Variants in TDRD12 observed in about 807,000 individuals in gnomAD.
The protein encoded by TDRD12 is tudor domain containing 12.
Under a neutral mutation model 133.5 loss-of-function variants are expected in TDRD12, and 158 were observed. The observed-to-expected ratio is 1.18, with a 90% confidence interval of 1.04 to 1.35. The LOEUF is 1.35. Among genes scored for constraint, TDRD12 ranks in the 40% most tolerant of loss-of-function variants. The pLI is 0.00. For missense variants in TDRD12, 1,443 were observed against 1,321.3 expected (o/e 1.09, Z -1.43); for synonymous variants, 460 against 477.9 (o/e 0.96, Z 0.49).
intron 16 of TDRD12, 67 bp from the exon 17 acceptor site, chr19:32,800,100 T>C (rs562458188): frequency 3.8e-4 from 349 of 927,086 alleles, no homozygotes; most frequent in Non-Finnish European, 5.1e-4. Flanking sequence ...CCTTACATTT[T>C]ATGTTCTGCC....
At chr19:32,823,475 GTTC>G (rs1300205930), downstream of TDRD12, among the ~76,000 whole-genome samples, 26 of 152,278 alleles carry the variant, frequency 1.7e-4, no homozygotes, top group Admixed American at 3.9e-4. Flanking sequence ...CCAAACCCAG[GTTC>G]TTCATCACAG....
chr19:32,761,184 C>G (rs971328613), intron 8 of TDRD12, among the ~76,000 whole-genome samples: 5 of 152,162 alleles, frequency 3.3e-5, no homozygotes, highest in Non-Finnish European at 7.3e-5. Context: ...TGGCACATCT[C>G]AGCTCACTGC....
chr19:32,758,561 G>C (rs56977773), intron 8 of TDRD12, among the ~76,000 whole-genome samples: 7,891 of 152,086 alleles, frequency 0.052, 353 homozygotes, highest in East Asian at 0.24. Flanking sequence ...ACCCCATCTC[G>C]CTAGGCATTT....
At chr19:32,723,431 A>T (rs979188976) in intron 1 of TDRD12, among the ~76,000 whole-genome samples, 1 of 151,662 alleles carries the variant, frequency 6.6e-6, no homozygotes, top group Non-Finnish European at 1.5e-5. Context: ...TTTTATTTTT[A>T]GTAGAGACAG....
intron 24 of TDRD12, among the ~76,000 whole-genome samples, chr19:32,812,133 C>T (rs1197135465): frequency 1.3e-5 from 2 of 152,310 alleles, no homozygotes; most frequent in South Asian, 4.1e-4. Context: ...CAGGCACAGG[C>T]ACAGAAGAGG....
chr19:32,807,393 G>T, intron 21 of TDRD12, 156 bp from the exon 22 acceptor site: 7 of 306,276 alleles, frequency 2.3e-5, no homozygotes, highest in Non-Finnish European at 3.5e-5. Flanking sequence ...TATTATTAAT[G>T]TCATCTGAAA....
chr19:32,794,038 C>T lies in TDRD12; in HGVS notation c.1288-590C>T, dbSNP rs965415771. On this transcript the variant is annotated intron_variant, in intron 13 of 27. Coordinates refer to ENST00000444215, the Ensembl canonical transcript of TDRD12. Reference sequence around the variant, plus strand: ...TGAACTCCCGACCTCAGGTGATCTGCTCGCCTTGACCTCCTAAAGTGCAGG... The same window carrying T: ...TGAACTCCCGACCTCAGGTGATCTGTTCGCCTTGACCTCCTAAAGTGCAGG... Among the ~76,000 whole-genome samples, 4 of 146,630 alleles carry T rather than the reference C, an allele frequency of 2.7e-5. No individual in the cohort carries two copies. In the East Asian group the frequency reaches 8.2e-4, roughly 30 times the overall value.
chr19:32,732,058 C>CA (rs1324491916), intron 2 of TDRD12, among the ~76,000 whole-genome samples, 175 bp downstream of exon 2: 44 of 152,184 alleles, frequency 2.9e-4, no homozygotes, highest in African/African-American at 1.0e-3. Context: ...GGCTGGAGTA[C>CA]AGTGGCACCA....
chr19:32,725,811 G>T (rs993555260), intron 1 of TDRD12, among the ~76,000 whole-genome samples: 5 of 151,958 alleles, frequency 3.3e-5, no homozygotes, highest in African/African-American at 1.2e-4. Context: ...TGGACAGTAC[G>T]GCCATTTTCA....
chr19:32,753,520 T>C (rs1969898118), intron 6 of TDRD12, among the ~76,000 whole-genome samples: 3 of 151,850 alleles, frequency 2.0e-5, no homozygotes, highest in Admixed American at 1.3e-4. Context: ...CTTTTTTTTT[T>C]CCTGAAACGG....
chr19:32,812,787 G>A (rs922431576), intron 24 of TDRD12, among the ~76,000 whole-genome samples: 2 of 152,186 alleles, frequency 1.3e-5, no homozygotes, highest in South Asian at 4.1e-4. Flanking sequence ...GGATGGAAAC[G>A]GGCAGGTCCC....
At position 32,815,722 on chromosome 19, in the gene TDRD12, G is replaced by A. The variant is rs534517574; in HGVS notation, c.3314+102G>A. On this transcript the variant is annotated intron_variant, in intron 26 of 27. Coordinates refer to ENST00000444215, the Ensembl canonical transcript of TDRD12. Reference sequence around the variant, plus strand: ...ATGAAAGTAGAAGAGTTGGCTGGGTGCGGTGGCTCACACCTGTAATCCCAG... The same window carrying A: ...ATGAAAGTAGAAGAGTTGGCTGGGTACGGTGGCTCACACCTGTAATCCCAG... 3.6e-5 allele frequency: 43 copies of A among 1,187,506 alleles called. 1 individual carries two copies. The highest frequency in any genetic ancestry group is 2.0e-4 in the Middle Eastern group (1 of 5,030). The allele number at this position is 1,187,506 out of a possible 1,614,324, so 73.6% of individuals were successfully genotyped here. A position where few individuals can be genotyped will look rare whatever the true frequency, so the allele number is the denominator to read the frequency against.
intron 11 of TDRD12, among the ~76,000 whole-genome samples, chr19:32,782,463 A>T (rs1000463553): frequency 1.4e-4 from 22 of 152,134 alleles, no homozygotes; most frequent in Non-Finnish European, 3.1e-4. Context: ...ATGATTTATA[A>T]TCCTTTGGGT....
Position 32,777,233 on chromosome 19 carries a change from A to G in TDRD12, c.1121+4A>G. On this transcript the variant is annotated splice_donor_region_variant and intron_variant, in intron 11 of 27. Transcript: ENST00000444215. Reference sequence around the variant, plus strand: ...ATGAGAAGAATAGCTGTGTGAAGTAAGAATTTTTTCCTTGGCCTGAATTGT... The same window carrying G: ...ATGAGAAGAATAGCTGTGTGAAGTAGGAATTTTTTCCTTGGCCTGAATTGT... The G allele has an allele frequency of 6.6e-7, 1 of 1,511,022 alleles. No individual in the cohort carries two copies. Among genetic ancestry groups the G allele is most frequent in the Non-Finnish European group, 8.9e-7 (1 of 1,127,068 alleles). The allele number at this position is 1,511,022 out of a possible 1,614,324, so 93.6% of individuals were successfully genotyped here. A position where few individuals can be genotyped will look rare whatever the true frequency, so the allele number is the denominator to read the frequency against.
At chr19:32,739,763 C>T (rs1179298850) in intron 3 of TDRD12, among the ~76,000 whole-genome samples, 1 of 136,528 alleles carries the variant, frequency 7.3e-6, no homozygotes, top group Non-Finnish European at 1.6e-5. Flanking sequence ...GTGCTCTCTG[C>T]ATCTCCTGGT....
chr19:32,815,972 G>A (rs8103719), intron 26 of TDRD12, among the ~76,000 whole-genome samples: 11,195 of 151,440 alleles, frequency 0.074, 752 homozygotes, highest in East Asian at 0.25. Flanking sequence ...CCAGCCTGGC[G>A]ACAGAGTGAG....
exon 4 of TDRD12, chr19:32,742,816 C>A: frequency 6.4e-7 from 1 of 1,551,758 alleles, no homozygotes; most frequent in Non-Finnish European, 8.7e-7. Context: ...ATGCAGCTTC[C>A]CTATAGAGCA....
intron 11 of TDRD12, among the ~76,000 whole-genome samples, chr19:32,781,312 G>A (rs1172727358): frequency 1.3e-5 from 2 of 152,140 alleles, no homozygotes; most frequent in Non-Finnish European, 2.9e-5. Context: ...TCTCACTTGT[G>A]TGTCTTTGGA....
chr19:32,755,514 A>G (rs1230512214), intron 6 of TDRD12, among the ~76,000 whole-genome samples: 1 of 152,246 alleles, frequency 6.6e-6, no homozygotes, highest in African/African-American at 2.4e-5. Context: ...TTGTTTGCCC[A>G]TATTTTAATT....
Sources: allele counts gnomAD v4.1 joint callset (sites outside exome capture counted in the v4.1 genomes callset), GRCh38; gene constraint gnomAD v4.1.1; transcripts MANE v1.5; gene names NCBI Gene and HGNC (gene_info 2026-07-23, HGNC 2026-07-21).